POMGNT1: variants seen among roughly 807,000 people sequenced by gnomAD.
The protein encoded by POMGNT1 is protein O-linked-mannose beta-1,2-N-acetylglucosaminyltransferase 1.
In POMGNT1, 67 loss-of-function variants were observed where a neutral mutation model predicts 95.6. That is an observed-to-expected ratio of 0.70 (90% CI 0.58 to 0.86). POMGNT1 has a LOEUF of 0.86. POMGNT1 is among the 40% of genes least tolerant of loss of function. The probability of loss-of-function intolerance (pLI) is 0.00; values close to 1 mark genes in which losing one functional copy is unlikely to be tolerated. For synonymous variants in POMGNT1, 298 were observed against 317.9 expected (o/e 0.94, Z 0.66); for missense variants, 719 against 855.2 (o/e 0.84, Z 1.99).
chr1:46,211,439 GCACA>G (rs57919535), intron 1 of POMGNT1, among the ~76,000 whole-genome samples: 6,156 of 78,936 alleles, frequency 0.078, 210 homozygotes, highest in South Asian at 0.14. Flanking sequence ...ATGAAAACCT[GCACA>G]CACACACACA....
At chr1:46,192,040 A>G (rs1657808521) in intron 17 of POMGNT1, 58 bp downstream of exon 17, 2 of 1,555,956 alleles carry the variant, frequency 1.3e-6, no homozygotes, top group Non-Finnish European at 1.8e-6. Context: ...TTCAGAGTCC[A>G]TGTTCTTGTT....
In POMGNT1 at chr1:46,194,349, G is replaced by A. The variant is rs745902096; in HGVS notation, c.804C>T (p.Phe268=). The stretch of plus-strand genomic sequence containing the variant: ...TTCCATAGCCCTCAACTTTGCTGCA[G>A]AAGCGCCGGCGGCGACGGTTCAGCT... The part of the protein sequence containing the change: ...DTELNRRRRR[F]CSKVEGYGSV... Residue 268 remains phenylalanine (F), a synonymous_variant, in exon 9 of 22, where the codon TTC becomes TTT. Transcript: ENST00000371984. 3 of 1,614,236 alleles carry A rather than the reference G, an allele frequency of 1.9e-6. No individual in the cohort carries two copies. In the East Asian group the frequency reaches 6.7e-5, roughly 36 times the overall value.
intron 13 of POMGNT1, 35 bp downstream of exon 13, chr1:46,193,139 C>G (rs371209133): frequency 1.8e-5 from 29 of 1,613,872 alleles, no homozygotes; most frequent in Middle Eastern, 1.7e-4. Context: ...TGTTTCCCCC[C>G]TCCCAGGCCC....
Position 46,192,306 on chromosome 1 carries a change from A to G in POMGNT1, c.1413+2T>C. The G allele has an allele frequency of 6.2e-7, 1 of 1,614,066 alleles. No individual in the cohort carries two copies. The highest frequency in any genetic ancestry group is 8.5e-7 in the Non-Finnish European group (1 of 1,180,008). On this transcript the variant is annotated splice_donor_variant, in intron 16 of 21. Transcript: ENST00000371984. LOFTEE classifies it high-confidence loss of function. ...GCCCCCTCACCCTACCCTGACAGTT[A>G]CCTTTTCCGGTGTAGGCCACTTGGG... is the stretch of plus-strand genomic sequence containing the variant.
In POMGNT1 at chr1:46,189,576, G is replaced by A. The variant is rs961913683; in HGVS notation, c.1786-9C>T. The A allele has an allele frequency of 1.2e-6, 2 of 1,607,196 alleles. No individual in the cohort carries two copies. Among genetic ancestry groups the A allele is most frequent in the African/African-American group, 2.7e-5 (2 of 74,814 alleles). The stretch of plus-strand genomic sequence containing the variant: ...TCCCAGATATGGAGGCACTAGTGAG[G>A]GTGGGATGGAGACAGAGACATGGGT... On this transcript the variant is annotated splice_polypyrimidine_tract_variant and intron_variant, in intron 20 of 21. Coordinates refer to ENST00000371984, the MANE Select transcript of POMGNT1 (RefSeq NM_017739.4).
chr1:46,201,425 C>T (rs753360205), upstream of POMGNT1, among the ~76,000 whole-genome samples: 1 of 151,938 alleles, frequency 6.6e-6, no homozygotes, highest in African/African-American at 2.4e-5. Context: ...CCAGGCCGGG[C>T]GCAGTGGCTC....
rs1159448994 is a variant in POMGNT1, at chr1:46,192,400, A to G, written c.1321T>C (p.Tyr441His). 6.2e-7 allele frequency: 1 copy of G among 1,614,036 alleles called. No homozygotes were observed. The highest frequency in any genetic ancestry group is 1.3e-5 in the African/African-American group (1 of 74,912). ...EHTAEDPALL[Y>H]RVETMPGLGW... ...AGCCCAGGCATGGTCTCCACACGGT[A>G]CAGTAGTGCTGGGTCCTCAGCCGTG... The change falls in exon 16 of 22, where the codon TAC becomes CAC. Residue 441 changes from tyrosine to histidine, a missense_variant. Transcript: ENST00000371984.
At chr1:46,212,054 A>C (rs72897097) in intron 1 of POMGNT1, among the ~76,000 whole-genome samples, 1 of 152,060 alleles carries the variant, frequency 6.6e-6, no homozygotes, top group Non-Finnish European at 1.5e-5. Flanking sequence ...GAGCTACCAC[A>C]CCTGGCCTCA....
At position 46,189,145 on chromosome 1, in the gene POMGNT1, T is replaced by C; in HGVS notation, c.*125A>G. The stretch of plus-strand genomic sequence containing the variant: ...CCTCCCCTTGGAGTTAGTAATTAAG[T>C]CTCATGTTAAAAACAAGGTAGCCCC... On this transcript the variant is annotated 3_prime_UTR_variant, in exon 22 of 22. Coordinates refer to ENST00000371984, the MANE Select transcript of POMGNT1 (RefSeq NM_017739.4). 6.7e-7 allele frequency: 1 copy of C among 1,497,054 alleles called. No individual in the cohort carries two copies. Among genetic ancestry groups the C allele is most frequent in the Non-Finnish European group, 8.9e-7 (1 of 1,124,350 alleles). The allele number at this position is 1,497,054 out of a possible 1,614,324, so 92.7% of individuals were successfully genotyped here. A position where few individuals can be genotyped will look rare whatever the true frequency, so the allele number is the denominator to read the frequency against.
At chr1:46,190,361 G>C in intron 19 of POMGNT1, 112 bp downstream of exon 19, 1 of 1,387,800 alleles carries the variant, frequency 7.2e-7, no homozygotes, top group Non-Finnish European at 1.0e-6. Flanking sequence ...CCTAATGTTT[G>C]AGATGAGGGC....
At chr1:46,190,147 G>GGA in intron 19 of POMGNT1, 158 bp from the exon 20 acceptor site, 1 of 899,032 alleles carries the variant, frequency 1.1e-6, no homozygotes, top group South Asian at 1.8e-5. Flanking sequence ...CGCCCAGGCT[G>GGA]GAGTCTCCTG....
intron 1 of POMGNT1, chr1:46,219,603 A>G: frequency 1.5e-6 from 2 of 1,339,298 alleles, no homozygotes; most frequent in African/African-American, 1.5e-5. Context: ...CTTAAAGTGA[A>G]ACATGGTTGG....
chr1:46,199,324 G>T (rs144596362), upstream of POMGNT1, among the ~76,000 whole-genome samples: 33 of 152,338 alleles, frequency 2.2e-4, no homozygotes, highest in African/African-American at 7.2e-4. Flanking sequence ...TTGAAACTCA[G>T]CCTAGCTCCA....
intron 1 of POMGNT1, among the ~76,000 whole-genome samples, chr1:46,213,718 T>C (rs1658975182): frequency 6.6e-6 from 1 of 152,064 alleles, no homozygotes; most frequent in Admixed American, 6.6e-5. Context: ...AGACTTTGTC[T>C]CTACAAAAAC....
chr1:46,193,175 G>A lies in POMGNT1; in HGVS notation c.1151C>T (p.Pro384Leu), dbSNP rs375845761. 10 of 1,614,020 alleles carry A rather than the reference G, an allele frequency of 6.2e-6. No individual in the cohort carries two copies. The highest frequency in any genetic ancestry group is 1.7e-5 in the Admixed American group (1 of 60,000). ...ASLTATFNLF[P>L]EAKFAVVLEE... The stretch of plus-strand genomic sequence containing the variant: ...AAGAGTTGTATCCTTAGTACTCACC[G>A]GAAACAGGTTGAAAGTGGCAGTGAG... The change falls in exon 13 of 22, where the codon CCG becomes CTG. Residue 384 changes from proline (P) to leucine (L), a missense_variant and splice_region_variant. Around this residue, in one of 5 missense-constraint regions of POMGNT1, gnomAD observed 466 missense variants for 517.4 expected, o/e 0.90. Transcript: ENST00000371984.
Position 46,193,067 on chromosome 1 carries a change from T to C in POMGNT1, c.1152+107A>G, listed in dbSNP as rs145358037. The C allele has an allele frequency of 5.6e-6, 9 of 1,604,238 alleles. No homozygotes were observed. The East Asian group carries it at 6.7e-5, about 12-fold the overall frequency. On this transcript the variant is annotated intron_variant, in intron 13 of 21. Transcript: ENST00000371984. ...CAGCATTACCCCCATTTTCCAGATG[T>C]GAAGGATGAGGCCCAGTGAGGGGAA... is the stretch of plus-strand genomic sequence containing the variant.
chr1:46,193,051 C>A, intron 13 of POMGNT1, 93 bp from the exon 14 acceptor site: 2 of 1,602,636 alleles, frequency 1.2e-6, no homozygotes, highest in Non-Finnish European at 8.5e-7. Context: ...GCAGCATTAC[C>A]CCCATTTTCC....
At chr1:46,215,204 C>T (rs926723333) in intron 1 of POMGNT1, among the ~76,000 whole-genome samples, 8 of 133,620 alleles carry the variant, frequency 6.0e-5, no homozygotes, top group Non-Finnish European at 1.1e-4. Flanking sequence ...CTAGCCTGGG[C>T]GACACAACAA....
intron 2 of POMGNT1, 90 bp downstream of exon 2, chr1:46,197,612 G>C: frequency 6.3e-7 from 1 of 1,589,356 alleles, no homozygotes; most frequent in Non-Finnish European, 8.6e-7. Flanking sequence ...TCCCACTGGG[G>C]CTGGCCAACA....
Sources: gnomAD v4.1 joint callset for allele counts (sites outside exome capture counted in the v4.1 genomes callset) on GRCh38, gnomAD v4.1.1 for gene constraint, gnomAD v4.1.1 regional missense constraint, MANE v1.5 for transcripts, NCBI Gene and HGNC (gene_info 2026-07-23, HGNC 2026-07-21) for gene names.